RAD54B: variants seen among roughly 807,000 people sequenced by gnomAD.
The protein encoded by RAD54B is RAD54 homolog B.
In RAD54B, 78 loss-of-function variants were observed where a neutral mutation model predicts 95.8. The ratio of observed to expected loss-of-function variants is 0.81; its 90% CI spans 0.68 to 0.98. The LOEUF is 0.98. Among genes scored for constraint, RAD54B ranks in the 50% least tolerant of loss-of-function variants. RAD54B has a pLI of 0.00. For synonymous variants in RAD54B, 328 were observed against 354.9 expected, an observed-to-expected ratio of 0.92 and a Z score of 0.85; for missense variants, 957 against 1,056.6, an observed-to-expected ratio of 0.91 and a Z score of 1.31.
chr8:94,450,030 C>T (rs953449586), intron 3 of RAD54B, among the ~76,000 whole-genome samples: 10 of 151,980 alleles, frequency 6.6e-5, no homozygotes, highest in Non-Finnish European at 1.3e-4. Context: ...TGCTCATACG[C>T]CCAAAAATCA....
chr8:94,431,447 A>C, intron 3 of RAD54B: 2 of 980,452 alleles, frequency 2.0e-6, no homozygotes, highest in Non-Finnish European at 2.4e-6. Context: ...AAATGCTTCT[A>C]ATATTTAAAT....
At chr8:94,400,490 A>G (rs772100714) in intron 6 of RAD54B, 27 bp from the exon 7 acceptor site, 16 of 1,543,714 alleles carry the variant, frequency 1.0e-5, no homozygotes, top group Non-Finnish European at 1.3e-5. Context: ...TACTTCCTTT[A>G]ATCACAATAG....
At chr8:94,436,012 A>C (rs1042739344) in intron 3 of RAD54B, among the ~76,000 whole-genome samples, 2 of 152,136 alleles carry the variant, frequency 1.3e-5, no homozygotes, top group Non-Finnish European at 2.9e-5. Flanking sequence ...TTTTGTTTAT[A>C]TTTGTTAGTT....
At chr8:94,397,660 A>G (rs1811179572) in intron 8 of RAD54B, among the ~76,000 whole-genome samples, 1 of 152,160 alleles carries the variant, frequency 6.6e-6, no homozygotes. Flanking sequence ...ATGATTTTCA[A>G]GTGAGGAAGG....
intron 3 of RAD54B, among the ~76,000 whole-genome samples, chr8:94,422,312 T>A (rs967097584): frequency 6.6e-5 from 10 of 151,684 alleles, no homozygotes; most frequent in East Asian, 1.9e-4. Flanking sequence ...ATCAGCCGGG[T>A]GCAGTGGTTC....
chr8:94,442,164 C>G (rs1272314510), intron 3 of RAD54B, among the ~76,000 whole-genome samples: 1 of 152,184 alleles, frequency 6.6e-6, no homozygotes. Context: ...CGTATGTTCT[C>G]TCTCACATGT....
chr8:94,390,984 T>A (rs1283588185), intron 10 of RAD54B, among the ~76,000 whole-genome samples: 1 of 152,172 alleles, frequency 6.6e-6, no homozygotes, highest in East Asian at 1.9e-4. Flanking sequence ...AGGTATGGAA[T>A]TTCCCACCTG....
intron 3 of RAD54B, among the ~76,000 whole-genome samples, chr8:94,413,371 G>A (rs921485061): frequency 5.3e-5 from 8 of 152,162 alleles, no homozygotes; most frequent in Non-Finnish European, 1.2e-4. Context: ...TGCATTGGAA[G>A]AGAAGCAAGA....
intron 4 of RAD54B, among the ~76,000 whole-genome samples, chr8:94,409,830 A>G (rs942444749): frequency 6.6e-6 from 1 of 152,176 alleles, no homozygotes; most frequent in Admixed American, 6.5e-5. Flanking sequence ...TTCCAAAGTA[A>G]TTGTGATAAT....
At chr8:94,402,454 A>C (rs1188000895) in intron 6 of RAD54B, among the ~76,000 whole-genome samples, 1 of 152,134 alleles carries the variant, frequency 6.6e-6, no homozygotes, top group Non-Finnish European at 1.5e-5. Context: ...GGATTTCACC[A>C]TGTTAGCCAG....
intron 14 of RAD54B, among the ~76,000 whole-genome samples, chr8:94,376,694 T>C (rs1472100020): frequency 6.7e-6 from 1 of 149,022 alleles, no homozygotes; most frequent in Admixed American, 6.7e-5. Flanking sequence ...TATATTGTTA[T>C]AATTATATAT....
Position 94,407,678 on chromosome 8 carries a change from C to A in RAD54B, c.542G>T (p.Gly181Val), listed in dbSNP as rs771952876. 4 of 1,613,746 alleles carry A rather than the reference C, an allele frequency of 2.5e-6. No homozygotes were observed. The highest frequency in any genetic ancestry group is 3.4e-6 in the Non-Finnish European group (4 of 1,179,806). ...TTTTCCACAAATCATCAGTGTTTGG[C>A]CCTCTTCAATCTTTTCAAGCTCTTT... ...KFKELEKIEE[G>V]QTLMICGKEI... Residue 181 changes from glycine (G) to valine (V), a missense_variant, in exon 5 of 15, where the codon GGC becomes GTC. Physicochemically the swap from Gly to Val is moderately radical, Grantham distance 109. Coordinates refer to ENST00000336148, the MANE Select transcript of RAD54B (RefSeq NM_012415.3).
intron 2 of RAD54B, among the ~76,000 whole-genome samples, chr8:94,458,825 C>T (rs1812836395): frequency 6.6e-6 from 1 of 151,788 alleles, no homozygotes. Context: ...CAAGATTGTA[C>T]CACTGCATTC....
chr8:94,384,503 A>G (rs1346045707), intron 11 of RAD54B, among the ~76,000 whole-genome samples: 2 of 82,026 alleles, frequency 2.4e-5, no homozygotes, highest in Non-Finnish European at 5.8e-5. Flanking sequence ...GAAAATAAGG[A>G]GTTGGTGTTT....
At chr8:94,412,929 CA>C (rs1811566353) in intron 3 of RAD54B, among the ~76,000 whole-genome samples, 1 of 151,898 alleles carries the variant, frequency 6.6e-6, no homozygotes, top group Non-Finnish European at 1.5e-5. Flanking sequence ...AAGGAATAAT[CA>C]AAAATAAAAT....
At chr8:94,444,382 G>C (rs969272480) in intron 3 of RAD54B, among the ~76,000 whole-genome samples, 5 of 148,550 alleles carry the variant, frequency 3.4e-5, no homozygotes, top group African/African-American at 9.9e-5. Context: ...ACATGCATAA[G>C]GATGTTCACT....
chr8:94,466,409 T>C (rs1020022220), intron 2 of RAD54B, among the ~76,000 whole-genome samples: 2 of 141,338 alleles, frequency 1.4e-5, no homozygotes, highest in Non-Finnish European at 3.1e-5. Flanking sequence ...CAGTATTCAC[T>C]TTTTTTTTTT....
chr8:94,421,187 A>G (rs1216349309), intron 3 of RAD54B, among the ~76,000 whole-genome samples: 1 of 152,130 alleles, frequency 6.6e-6, no homozygotes, highest in Non-Finnish European at 1.5e-5. Flanking sequence ...CTCTTTGTCT[A>G]TAAACCCACA....
intron 3 of RAD54B, among the ~76,000 whole-genome samples, chr8:94,445,893 A>G (rs1292732794): frequency 6.6e-6 from 1 of 152,162 alleles, no homozygotes; most frequent in African/African-American, 2.4e-5. Flanking sequence ...TCATATTTGA[A>G]ACTTTAGAAC....
Sources: gnomAD v4.1 joint callset for allele counts (sites outside exome capture counted in the v4.1 genomes callset) on GRCh38, gnomAD v4.1.1 for gene constraint, MANE v1.5 for transcripts, NCBI Gene and HGNC (gene_info 2026-07-23, HGNC 2026-07-21) for gene names.